Variants in PPARGC1A observed in about 807,000 individuals in gnomAD.
PPARGC1A encodes the protein peroxisome proliferator-activated receptor gamma coactivator 1-alpha.
Under a neutral mutation model 88.7 loss-of-function variants are expected in PPARGC1A, and 25 were observed. The ratio of observed to expected loss-of-function variants is 0.28; its 90% CI spans 0.21 to 0.39. The LOEUF (loss-of-function observed/expected upper bound fraction) is 0.39. PPARGC1A is among the 10% of genes least tolerant of loss of function. The probability of loss-of-function intolerance (pLI) is 1.00; values close to 1 mark genes in which losing one functional copy is unlikely to be tolerated. For synonymous variants in PPARGC1A, 363 were observed against 355.6 expected, an observed-to-expected ratio of 1.02 and a Z score of -0.24; for missense variants, 880 against 968.7, an observed-to-expected ratio of 0.91 and a Z score of 1.22.
chr4:23,891,983 C>G (rs1281589742), upstream of PPARGC1A, among the ~76,000 whole-genome samples: 1 of 152,156 alleles, frequency 6.6e-6, no homozygotes, highest in Non-Finnish European at 1.5e-5. Flanking sequence ...ATATTGGTCA[C>G]CTGGCCAAGA....
At chr4:23,892,666 T>C (rs938769466), upstream of PPARGC1A, among the ~76,000 whole-genome samples, 3 of 152,036 alleles carry the variant, frequency 2.0e-5, no homozygotes, top group African/African-American at 7.2e-5. Flanking sequence ...CTATTTCTCT[T>C]ACTCTCTACC....
At chr4:24,250,978 C>T in the PPARGC1A span, among the ~76,000 whole-genome samples, 3 of 152,230 alleles carry the variant, frequency 2.0e-5, no homozygotes, top group Admixed American at 2.0e-4. Flanking sequence ...ATCTGGGGAA[C>T]ACCTACAGGA....
chr4:24,182,111 C>T, the PPARGC1A span, among the ~76,000 whole-genome samples: 1 of 152,064 alleles, frequency 6.6e-6, no homozygotes, highest in African/African-American at 2.4e-5. Flanking sequence ...TTAAGTCCCG[C>T]ATGCATTAGG....
chr4:23,920,243 G>A, the PPARGC1A span, among the ~76,000 whole-genome samples: 5 of 152,244 alleles, frequency 3.3e-5, no homozygotes, highest in East Asian at 9.7e-4. Context: ...TCAAGTACAG[G>A]GAAGCTTCTA....
the PPARGC1A span, among the ~76,000 whole-genome samples, chr4:24,306,084 C>G: frequency 2.6e-5 from 4 of 152,132 alleles, no homozygotes; most frequent in African/African-American, 7.2e-5. Flanking sequence ...TCCACAGAAG[C>G]AGATTCCACA....
chr4:23,935,850 CTTGTA>C, the PPARGC1A span, among the ~76,000 whole-genome samples: 18 of 151,822 alleles, frequency 1.2e-4, no homozygotes, highest in East Asian at 1.4e-3. Flanking sequence ...AACTGAAGCC[CTTGTA>C]TAACAGTAAG....
At chr4:24,198,624 C>G in the PPARGC1A span, among the ~76,000 whole-genome samples, 1 of 152,176 alleles carries the variant, frequency 6.6e-6, no homozygotes, top group Non-Finnish European at 1.5e-5. Context: ...AATTAGCAGC[C>G]CCTCCAGCAT....
chr4:23,860,093 A>G (rs1032985668), intron 2 of PPARGC1A, among the ~76,000 whole-genome samples: 1 of 151,952 alleles, frequency 6.6e-6, no homozygotes, highest in African/African-American at 2.4e-5. Context: ...CCAACATAGT[A>G]AGACCTTGTC....
the PPARGC1A span, among the ~76,000 whole-genome samples, chr4:23,982,491 C>A: frequency 1.3e-5 from 2 of 152,116 alleles, no homozygotes; most frequent in South Asian, 4.1e-4. Context: ...TTGACTAGAA[C>A]CATCACATGG....
At chr4:24,002,554 G>A in the PPARGC1A span, among the ~76,000 whole-genome samples, 1 of 150,922 alleles carries the variant, frequency 6.6e-6, no homozygotes, top group Non-Finnish European at 1.5e-5. Flanking sequence ...TCAAGCAAGA[G>A]ATCCTGGCAT....
At chr4:23,952,422 T>C in the PPARGC1A span, among the ~76,000 whole-genome samples, 1 of 152,028 alleles carries the variant, frequency 6.6e-6, no homozygotes, top group Non-Finnish European at 1.5e-5. Context: ...GGGAGAGGGC[T>C]CAAGGCCTCT....
intron 7 of PPARGC1A, among the ~76,000 whole-genome samples, chr4:23,818,650 CAT>C (rs1326557481): frequency 9.9e-5 from 15 of 151,762 alleles, no homozygotes; most frequent in African/African-American, 3.6e-4. Context: ...ACTCTACAGT[CAT>C]CTTTTTAAAC....
chr4:24,117,978 G>A, the PPARGC1A span, among the ~76,000 whole-genome samples: 6,613 of 152,042 alleles, frequency 0.043, 410 homozygotes, highest in African/African-American at 0.13. Flanking sequence ...AATTCCACAC[G>A]ACAAGAGCAA....
chr4:24,030,274 T>A, the PPARGC1A span, among the ~76,000 whole-genome samples: 2 of 152,168 alleles, frequency 1.3e-5, no homozygotes, highest in Non-Finnish European at 2.9e-5. Context: ...CAAACAGATA[T>A]CTGAATGCAT....
At chr4:24,218,119 G>A in the PPARGC1A span, among the ~76,000 whole-genome samples, 1 of 152,294 alleles carries the variant, frequency 6.6e-6, no homozygotes, top group South Asian at 2.1e-4. Flanking sequence ...GTTTTCCTGT[G>A]TGTGGATAGG....
intron 1 of PPARGC1A, among the ~76,000 whole-genome samples, chr4:23,895,463 A>G (rs530434130): frequency 6.6e-6 from 1 of 152,002 alleles, no homozygotes; most frequent in Admixed American, 6.6e-5. Flanking sequence ...GTATATACAT[A>G]TATCCCAAAC....
the PPARGC1A span, among the ~76,000 whole-genome samples, chr4:24,237,690 A>C: frequency 6.6e-6 from 1 of 152,084 alleles, no homozygotes; most frequent in Non-Finnish European, 1.5e-5. Context: ...TTCTCTCTTC[A>C]ACAGAGAATG....
the PPARGC1A span, among the ~76,000 whole-genome samples, chr4:24,212,798 G>A: frequency 3.3e-5 from 5 of 152,260 alleles, no homozygotes; most frequent in Middle Eastern, 3.4e-3. Flanking sequence ...CAGCCCACAC[G>A]TATCCTCCTA....
intron 2 of PPARGC1A, among the ~76,000 whole-genome samples, chr4:23,875,003 G>A (rs1214281923): frequency 6.6e-6 from 1 of 152,258 alleles, no homozygotes; most frequent in Non-Finnish European, 1.5e-5. Flanking sequence ...CCACAGAGGT[G>A]CTATTTGGAA....
Sources: allele counts gnomAD v4.1 joint callset (sites outside exome capture counted in the v4.1 genomes callset), GRCh38; gene constraint gnomAD v4.1.1; transcripts MANE v1.5; gene names NCBI Gene and HGNC (gene_info 2026-07-23, HGNC 2026-07-21).